MNAT1: variants seen among roughly 807,000 people sequenced by gnomAD.
The protein encoded by MNAT1 is MNAT1 component of CDK activating kinase, also known as CDK-activating kinase assembly factor MAT1.
MNAT1 carries 43 observed loss-of-function variants against 42.0 expected under a neutral mutation model. The observed-to-expected ratio is 1.02, with a 90% confidence interval of 0.80 to 1.32. The LOEUF is 1.32. MNAT1 is among the 40% of genes most tolerant of loss of function. The pLI is 0.00. For synonymous variants in MNAT1, 118 were observed against 120.0 expected, an observed-to-expected ratio of 0.98 and a Z score of 0.11; for missense variants, 306 against 350.4, an observed-to-expected ratio of 0.87 and a Z score of 1.01.
At chr14:60,841,935 A>G (rs889427495) in intron 6 of MNAT1, among the ~76,000 whole-genome samples, 2 of 152,064 alleles carry the variant, frequency 1.3e-5, no homozygotes, top group Non-Finnish European at 1.5e-5. Context: ...TTTCTGTATG[A>G]GCTTTGAGAA....
At chr14:60,747,984 C>G (rs1320597367) in intron 1 of MNAT1, among the ~76,000 whole-genome samples, 1 of 152,026 alleles carries the variant, frequency 6.6e-6, no homozygotes, top group Non-Finnish European at 1.5e-5. Context: ...ATCATGAGGT[C>G]AGGAGATCGA....
chr14:60,790,375 G>A (rs1208449030), intron 1 of MNAT1, among the ~76,000 whole-genome samples: 1 of 151,944 alleles, frequency 6.6e-6, no homozygotes, highest in African/African-American at 2.4e-5. Context: ...TGCTTCCTCT[G>A]CCCTATTGTT....
rs748349534 is a variant in MNAT1 at position 60,968,253 on chromosome 14, C to G, written c.834C>G (p.Ala278=). 1.9e-6 allele frequency: 3 copies of G among 1,613,328 alleles called. No homozygotes were observed. The highest frequency in any genetic ancestry group is 1.6e-4 in the Middle Eastern group (1 of 6,084). The change falls in exon 8 of 8, where the codon GCC becomes GCG. Residue 278 remains alanine (A), a synonymous_variant. Coordinates refer to ENST00000261245, the MANE Select transcript of MNAT1 (RefSeq NM_002431.4). ...RLGYLNHVRA[A]SPQDLAGGYT... ...GGTATTTAAACCATGTCAGAGCTGC[C>G]TCACCACAGGACCTTGCTGGAGGCT...
intron 3 of MNAT1, among the ~76,000 whole-genome samples, chr14:60,802,981 G>A (rs1465353250): frequency 6.8e-6 from 1 of 147,020 alleles, no homozygotes; most frequent in African/African-American, 2.5e-5. Context: ...CGCCCAGGCT[G>A]GAGTGTAGTG....
At chr14:60,862,630 A>G (rs541954697) in intron 6 of MNAT1, among the ~76,000 whole-genome samples, 14 of 152,336 alleles carry the variant, frequency 9.2e-5, no homozygotes, top group Non-Finnish European at 2.1e-4. Flanking sequence ...AACTTTAGAA[A>G]CATGGTAGAT....
intron 7 of MNAT1, among the ~76,000 whole-genome samples, chr14:60,938,383 T>C (rs1224558314): frequency 2.6e-5 from 4 of 152,160 alleles, no homozygotes; most frequent in African/African-American, 9.7e-5. Context: ...TAGCTCTTAT[T>C]ATTTTGAGAT....
chr14:60,775,763 A>G (rs1187472985), intron 1 of MNAT1, among the ~76,000 whole-genome samples: 1 of 152,136 alleles, frequency 6.6e-6, no homozygotes, highest in African/African-American at 2.4e-5. Flanking sequence ...AAATGAGATT[A>G]TTTTTGTCTC....
At chr14:60,823,453 A>G (rs1343972336) in intron 6 of MNAT1, among the ~76,000 whole-genome samples, 2 of 152,160 alleles carry the variant, frequency 1.3e-5, no homozygotes, top group African/African-American at 4.8e-5. Flanking sequence ...AAAAATTTCT[A>G]TCTTTACATT....
chr14:60,939,937 T>G (rs2036104345), intron 7 of MNAT1, among the ~76,000 whole-genome samples: 1 of 152,204 alleles, frequency 6.6e-6, no homozygotes, highest in Non-Finnish European at 1.5e-5. Context: ...GCATATATAT[T>G]TAGGATAGTT....
intron 6 of MNAT1, among the ~76,000 whole-genome samples, chr14:60,854,555 C>T (rs1436482215): frequency 2.0e-5 from 3 of 152,142 alleles, no homozygotes; most frequent in African/African-American, 7.2e-5. Flanking sequence ...ACAGTCAGTC[C>T]CTTCTTCGGC....
In MNAT1 at chr14:60,864,778, G is replaced by A. The variant is rs77780261; in HGVS notation, c.688-14936G>A. 2.7e-3 allele frequency among the ~76,000 whole-genome samples: 404 copies of A among 152,024 alleles called. 2 individuals carry two copies. The highest frequency in any genetic ancestry group is 9.0e-3 in the African/African-American group (372 of 41,512). On this transcript the variant is annotated intron_variant, in intron 6 of 7. Coordinates refer to ENST00000261245, the MANE Select transcript of MNAT1 (RefSeq NM_002431.4). ...ATGGTGGTTTTATGAGTGTGATAGCGGTGGTGGTGGTGTTTGTGTGTATGT... is the reference window on the plus strand; with the variant it reads ...ATGGTGGTTTTATGAGTGTGATAGCAGTGGTGGTGGTGTTTGTGTGTATGT...
chr14:60,966,310 G>C (rs2036682115), intron 7 of MNAT1, among the ~76,000 whole-genome samples: 1 of 151,870 alleles, frequency 6.6e-6, no homozygotes. Flanking sequence ...AGTAGAGACG[G>C]GGTTTCACCA....
At chr14:60,828,924 C>T (rs908389795) in intron 6 of MNAT1, among the ~76,000 whole-genome samples, 2 of 152,102 alleles carry the variant, frequency 1.3e-5, no homozygotes, top group South Asian at 2.1e-4. Flanking sequence ...TGGGAAGGGA[C>T]GTGCATCTTC....
At chr14:60,745,070 A>G (rs1896575457) in intron 1 of MNAT1, among the ~76,000 whole-genome samples, 1 of 151,992 alleles carries the variant, frequency 6.6e-6, no homozygotes. Context: ...CACATCAACT[A>G]CCCTGCATTC....
intron 5 of MNAT1, among the ~76,000 whole-genome samples, chr14:60,816,818 A>G (rs148974890): frequency 3.2e-4 from 49 of 152,174 alleles, no homozygotes; most frequent in African/African-American, 1.0e-3. Context: ...GAGTGCTAAA[A>G]TAGAATAAAG....
chr14:60,779,350 A>G (rs574373723), intron 1 of MNAT1, among the ~76,000 whole-genome samples: 1 of 152,354 alleles, frequency 6.6e-6, no homozygotes, highest in African/African-American at 2.4e-5. Context: ...TGCTTACACC[A>G]GCATAAGTGC....
chr14:60,787,282 TTACAC>T (rs1315371756), intron 1 of MNAT1, among the ~76,000 whole-genome samples: 1 of 152,352 alleles, frequency 6.6e-6, no homozygotes, highest in African/African-American at 2.4e-5. Flanking sequence ...AAAGTTATGT[TTACAC>T]TATACTGTAG....
rs187778543 is a variant in MNAT1 at position 60,890,140 on chromosome 14, A to G, written c.809+10305A>G. On this transcript the variant is annotated intron_variant, in intron 7 of 7. Coordinates refer to ENST00000261245, the MANE Select transcript of MNAT1 (RefSeq NM_002431.4). ...GACTATAAATCATGCTGCTATAAAG[A>G]CACATGCACACATATGTTTATTGCG... 9.2e-3 allele frequency among the ~76,000 whole-genome samples: 1,408 copies of G among 152,306 alleles called. 21 individuals are homozygous for G. Among genetic ancestry groups the G allele is most frequent in the African/African-American group, 0.031 (1,300 of 41,574 alleles).
intron 1 of MNAT1, among the ~76,000 whole-genome samples, chr14:60,756,422 G>C (rs1191624949): frequency 6.6e-6 from 1 of 152,148 alleles, no homozygotes; most frequent in Non-Finnish European, 1.5e-5. Flanking sequence ...AACTTTTATA[G>C]AGTATGAGCT....
Sources: allele counts gnomAD v4.1 joint callset (sites outside exome capture counted in the v4.1 genomes callset), GRCh38; gene constraint gnomAD v4.1.1; transcripts MANE v1.5; gene names NCBI Gene and HGNC (gene_info 2026-07-23, HGNC 2026-07-21).